The following STARD9 variants were observed in gnomAD, a reference collection of about 807,000 sequenced individuals.
The protein encoded by STARD9 is StAR related lipid transfer domain containing 9, also known as stAR-related lipid transfer protein 9.
Under a neutral mutation model 399.8 loss-of-function variants are expected in STARD9, and 346 were observed. That is an observed-to-expected ratio of 0.87 (90% CI 0.79 to 0.95). STARD9 has a LOEUF of 0.95. Among genes scored for constraint, STARD9 ranks in the 40% least tolerant of loss-of-function variants. The probability of loss-of-function intolerance (pLI) is 0.00; values close to 1 mark genes in which losing one functional copy is unlikely to be tolerated. For synonymous variants in STARD9, 2,203 were observed against 2,143.5 expected (o/e 1.03, Z -0.77); for missense variants, 5,832 against 5,667.5 (o/e 1.03, Z -0.93).
intron 3 of STARD9, among the ~76,000 whole-genome samples, chr15:42,631,616 T>A (rs1008375386): frequency 2.0e-5 from 3 of 152,038 alleles, no homozygotes; most frequent in Non-Finnish European, 2.9e-5. Flanking sequence ...TTTCTTCTTA[T>A]TTTGTTCAGT....
chr15:42,587,168 A>G (rs2058293463), intron 3 of STARD9, among the ~76,000 whole-genome samples: 1 of 152,228 alleles, frequency 6.6e-6, no homozygotes, highest in Non-Finnish European at 1.5e-5. Flanking sequence ...AAAGCTTTTA[A>G]TAATTATGTC....
rs933922017 is a variant in STARD9, at chr15:42,682,440, G to T, written c.2402G>T (p.Ser801Ile). Reference protein sequence around the residue: ...LTTLCWLQDDSTQEPPYQVLS... With the variant: ...LTTLCWLQDDITQEPPYQVLS... ...ACATTGTGCTGGCTCCAGGATGACAGCACCCAGGAGCCCCCATACCAGGTC... is the reference window on the plus strand; with the variant it reads ...ACATTGTGCTGGCTCCAGGATGACATCACCCAGGAGCCCCCATACCAGGTC... Residue 801 changes from serine to isoleucine, a missense_variant, in exon 22 of 33, where the codon AGC becomes ATC. Ser to Ile is a moderately radical substitution (Grantham distance 142, BLOSUM62 -2). Transcript: ENST00000290607. The T allele has an allele frequency of 2.0e-6, 3 of 1,537,070 alleles. No individual in the cohort carries two copies. The African/African-American group carries it at 4.1e-5, about 21-fold the overall frequency.
At chr15:42,649,613 G>A (rs572908436) in intron 7 of STARD9, among the ~76,000 whole-genome samples, 3 of 151,012 alleles carry the variant, frequency 2.0e-5, no homozygotes, top group East Asian at 3.9e-4. Context: ...AGGCTGGGGT[G>A]CAATGGTGAG....
intron 1 of STARD9, among the ~76,000 whole-genome samples, chr15:42,576,998 G>C (rs1379735895): frequency 6.6e-6 from 1 of 151,338 alleles, no homozygotes; most frequent in Non-Finnish European, 1.5e-5. Context: ...GCTCAGGGCT[G>C]GGGGGGGTTT....
chr15:42,688,013 G>A lies in STARD9; in HGVS notation c.6435G>A (p.Gln2145=). Reference sequence around the variant, plus strand: ...GCATTGGGAACCATCCCCAGGTCCAGAAAATCACCCCAAACCCCTTCAGGT... The same window carrying A: ...GCATTGGGAACCATCCCCAGGTCCAAAAAATCACCCCAAACCCCTTCAGGT... ...VNSIGNHPQV[Q]KITPNPFRSR... is the part of the protein sequence containing the mutation. The change falls in exon 23 of 33, where the codon CAG becomes CAA. Residue 2145 remains glutamine, a synonymous_variant. Coordinates refer to ENST00000290607, the MANE Select transcript of STARD9 (RefSeq NM_020759.3). The A allele has an allele frequency of 6.5e-7, 1 of 1,537,540 alleles. No homozygotes were observed. Among genetic ancestry groups the A allele is most frequent in the Non-Finnish European group, 8.7e-7 (1 of 1,146,978 alleles).
intron 3 of STARD9, among the ~76,000 whole-genome samples, chr15:42,633,092 A>G (rs904401783): frequency 6.6e-6 from 1 of 151,636 alleles, no homozygotes; most frequent in Non-Finnish European, 1.5e-5. Context: ...TGGTAAGCCA[A>G]GATTGTGCCA....
At chr15:42,593,982 T>A (rs1316249557) in intron 3 of STARD9, among the ~76,000 whole-genome samples, 1 of 152,174 alleles carries the variant, frequency 6.6e-6, no homozygotes, top group Non-Finnish European at 1.5e-5. Context: ...CTTGTTGTTT[T>A]AATATTTATT....
At chr15:42,585,117 A>G (rs2058248986) in intron 2 of STARD9, among the ~76,000 whole-genome samples, 2 of 152,218 alleles carry the variant, frequency 1.3e-5, no homozygotes, top group East Asian at 1.9e-4. Flanking sequence ...CCCCCAAGAT[A>G]TTATGTATAT....
rs1260763061 is a variant in STARD9 at position 42,720,933 on chromosome 15, A to C, written c.*1359A>C. On this transcript the variant is annotated 3_prime_UTR_variant, in exon 33 of 33. Transcript: ENST00000290607. ...ATATACTCCTACCTCTTTTCATATA[A>C]ATCTCTTACTAAGACTACTGACCAA... The C allele has an allele frequency of 3.3e-5, 5 of 152,286 alleles. No individual in the cohort carries two copies. Among genetic ancestry groups the C allele is most frequent in the African/African-American group, 1.2e-4 (5 of 41,544 alleles). The allele number at this position is 152,286 out of a possible 1,614,324, so 9.4% of individuals were successfully genotyped here.
Position 42,686,081 on chromosome 15 carries a change from G to T in STARD9, c.4503G>T (p.Glu1501Asp), listed in dbSNP as rs1156428399. The T allele has an allele frequency of 6.5e-7, 1 of 1,537,194 alleles. No individual in the cohort carries two copies. ...TTGAACTCTCTTGTCCTGTTTTGGAGGCCATAGGAGCACCCAAGCCAGCTT... is the reference window on the plus strand; with the variant it reads ...TTGAACTCTCTTGTCCTGTTTTGGATGCCATAGGAGCACCCAAGCCAGCTT... ...YLLELSCPVL[E>D]AIGAPKPAYP... is the part of the protein sequence containing the mutation. The change falls in exon 23 of 33, where the codon GAG (glutamate) becomes GAT (aspartate). Residue 1501 changes from glutamate (E) to aspartate (D), a missense_variant. This residue lies in a region of STARD9 where 5,828 missense variants were observed against 5,651.1 expected (regional missense o/e 1.03). Coordinates refer to ENST00000290607, the MANE Select transcript of STARD9 (RefSeq NM_020759.3).
intron 7 of STARD9, among the ~76,000 whole-genome samples, chr15:42,639,754 C>G (rs1005823402): frequency 3.3e-5 from 5 of 151,812 alleles, no homozygotes; most frequent in Admixed American, 3.3e-4. Context: ...ATCCCAGCTA[C>G]TCGGGAGGCT....
chr15:42,690,156 G>C lies in STARD9; in HGVS notation c.8578G>C (p.Ala2860Pro), dbSNP rs1405641057. The C allele has an allele frequency of 1.3e-6, 2 of 1,537,726 alleles. No individual in the cohort carries two copies. The highest frequency in any genetic ancestry group is 1.4e-5 in the African/African-American group (1 of 73,060). The change falls in exon 23 of 33, where the codon GCT (alanine) becomes CCT (proline). Residue 2860 changes from alanine (A) to proline (P), a missense_variant. This residue lies in a region of STARD9 where 5,828 missense variants were observed against 5,651.1 expected (regional missense o/e 1.03). Transcript: ENST00000290607. The part of the protein sequence containing the change: ...SPKQDTILPG[A>P]LTRVALEAPT... ...CAAACAAGATACCATTCTGCCTGGA[G>C]CTCTGACAAGGGTTGCACTGGAAGC... is the stretch of plus-strand genomic sequence containing the variant.
intron 3 of STARD9, chr15:42,630,137 GGGACTACAGGT>G (rs1014755851): frequency 6.6e-5 from 10 of 151,248 alleles, no homozygotes; most frequent in African/African-American, 2.2e-4. Context: ...CCAAGTAGCT[GGGACTACAGGT>G]GCGTGCCACT....
Position 42,716,762 on chromosome 15 carries a change from A to G in STARD9, c.13370A>G (p.Tyr4457Cys), listed in dbSNP as rs1204110007. The G allele has an allele frequency of 1.3e-6, 2 of 1,536,038 alleles. No individual in the cohort carries two copies. The highest frequency in any genetic ancestry group is 8.7e-7 in the Non-Finnish European group (1 of 1,145,930). The change falls in exon 27 of 33, where the codon TAC becomes TGC. Residue 4457 changes from tyrosine to cysteine, a missense_variant and splice_region_variant. Physicochemically the swap from Tyr to Cys is radical, Grantham distance 194 (BLOSUM62 -2). Transcript: ENST00000290607. ...GHSAVRKNSA[Y>C]SHRASLGSCC... ...TCTGCAGTGAGGAAGAACTCTGCCT[A>G]CAGTGAGTTGCGGGGAGTGTTGGGC...
At chr15:42,711,371 C>CCT (rs1171999813) in intron 26 of STARD9, among the ~76,000 whole-genome samples, 4 of 152,150 alleles carry the variant, frequency 2.6e-5, no homozygotes, top group African/African-American at 9.7e-5. Context: ...CAACTCCTGA[C>CCT]CTCAGGTGAT....
rs1336483286 is a variant in STARD9, at chr15:42,712,270, G to C, written c.13285-4407G>C. Among the ~76,000 whole-genome samples the C allele has an allele frequency of 4.7e-5, 7 of 147,440 alleles. No individual in the cohort carries two copies. The East Asian group carries it at 1.4e-3, about 30-fold the overall frequency. ...CACAGAAAATGTCCTCCCATTCTTT[G>C]TGTCTGTTCACTGTCTTGATATAGT... On this transcript the variant is annotated intron_variant, in intron 26 of 32. Transcript: ENST00000290607.
rs1196291469 is a variant in STARD9 at position 42,692,170 on chromosome 15, C to T, written c.10592C>T (p.Thr3531Ile). The change falls in exon 23 of 33, where the codon ACT becomes ATT. Residue 3531 changes from threonine (T) to isoleucine (I), a missense_variant. This residue lies in a region of STARD9 where 5,828 missense variants were observed against 5,651.1 expected (regional missense o/e 1.03). Coordinates refer to ENST00000290607, the MANE Select transcript of STARD9 (RefSeq NM_020759.3). The stretch of plus-strand genomic sequence containing the variant: ...TCCCCTTTCCACTCCCACCTCAGCA[C>T]TTACGCCAATATTTGTGATCTGTCA... ...QNSPFHSHLS[T>I]YANICDLSTT... 2 of 1,537,026 alleles carry T rather than the reference C, an allele frequency of 1.3e-6. No individual in the cohort carries two copies. The highest frequency in any genetic ancestry group is 4.9e-5 in the East Asian group (2 of 40,932).
chr15:42,666,349 G>C (rs1487735506), intron 15 of STARD9, among the ~76,000 whole-genome samples: 4 of 152,300 alleles, frequency 2.6e-5, no homozygotes, highest in Middle Eastern at 3.4e-3. Flanking sequence ...GTTGGTGCTG[G>C]AAGGCAGAGA....
intron 3 of STARD9, among the ~76,000 whole-genome samples, chr15:42,607,215 T>TTTTTG (rs2058747161): frequency 7.3e-6 from 1 of 137,368 alleles, no homozygotes; most frequent in Non-Finnish European, 1.6e-5. Context: ...TTTTTTTTTT[T>TTTTTG]TTTTTAAGAT....
Sources: gnomAD v4.1 joint callset for allele counts (sites outside exome capture counted in the v4.1 genomes callset) on GRCh38, gnomAD v4.1.1 for gene constraint, gnomAD v4.1.1 regional missense constraint, MANE v1.5 for transcripts, NCBI Gene and HGNC (gene_info 2026-07-23, HGNC 2026-07-21) for gene names.